Variants in STXBP5L observed in about 807,000 individuals in gnomAD.
The protein encoded by STXBP5L is syntaxin-binding protein 5-like.
STXBP5L carries 65 observed loss-of-function variants against 144.5 expected under a neutral mutation model. The ratio of observed to expected loss-of-function variants is 0.45; its 90% CI spans 0.37 to 0.55. STXBP5L has a LOEUF of 0.55. Ranked by LOEUF, STXBP5L falls within the 20% of genes least tolerant of loss-of-function variation. The pLI is 0.00. For synonymous variants in STXBP5L, 505 were observed against 469.6 expected (o/e 1.08, Z -0.97); for missense variants, 1,298 against 1,405.5 (o/e 0.92, Z 1.22).
chr3:121,036,772 A>ATTTTTTTTTTTTTTTTTT (rs3863971), intron 3 of STXBP5L, among the ~76,000 whole-genome samples: 8 of 122,224 alleles, frequency 6.5e-5, no homozygotes, highest in Non-Finnish European at 1.2e-4. Flanking sequence ...ACATTGATTG[A>ATTTTTTTTTTTTTTTTTT]TTTTTTTTTT....
At chr3:121,015,258 A>G (rs1171067920) in intron 3 of STXBP5L, among the ~76,000 whole-genome samples, 1 of 152,206 alleles carries the variant, frequency 6.6e-6, no homozygotes, top group Non-Finnish European at 1.5e-5. Flanking sequence ...TAATAATTTT[A>G]AAAATCAGTT....
At chr3:121,087,373 C>A (rs1347375680) in intron 5 of STXBP5L, among the ~76,000 whole-genome samples, 3 of 151,984 alleles carry the variant, frequency 2.0e-5, no homozygotes, top group Non-Finnish European at 4.4e-5. Context: ...TTGGTGCATT[C>A]ACATTTAGGG....
chr3:121,173,180 G>C (rs928742859), intron 9 of STXBP5L, among the ~76,000 whole-genome samples: 1 of 151,992 alleles, frequency 6.6e-6, no homozygotes, highest in Admixed American at 6.6e-5. Context: ...GGCCTGTTAG[G>C]GGATGGGGGG....
chr3:121,070,294 A>C (rs961810864), intron 5 of STXBP5L, among the ~76,000 whole-genome samples: 1 of 152,188 alleles, frequency 6.6e-6, no homozygotes, highest in African/African-American at 2.4e-5. Flanking sequence ...TTGCAACCTA[A>C]ACTTATTGGT....
At chr3:121,335,430 A>T (rs1339093402) in intron 20 of STXBP5L, among the ~76,000 whole-genome samples, 3 of 152,172 alleles carry the variant, frequency 2.0e-5, no homozygotes, top group Non-Finnish European at 4.4e-5. Flanking sequence ...GACATGTTTC[A>T]CAGAACTAGA....
chr3:121,207,010 G>T (rs1229434040), intron 10 of STXBP5L, among the ~76,000 whole-genome samples: 1 of 151,800 alleles, frequency 6.6e-6, no homozygotes, highest in Non-Finnish European at 1.5e-5. Flanking sequence ...TGGTATCATA[G>T]GTATACTGAA....
intron 23 of STXBP5L, 66 bp from the exon 24 acceptor site, chr3:121,413,091 GT>G (rs1318566781): frequency 8.3e-7 from 1 of 1,201,636 alleles, no homozygotes; most frequent in African/African-American, 1.6e-5. Context: ...AAAAATTACT[GT>G]TTTTATGTAA....
At chr3:121,227,260 A>G (rs537771639) in intron 11 of STXBP5L, among the ~76,000 whole-genome samples, 1 of 152,314 alleles carries the variant, frequency 6.6e-6, no homozygotes, top group East Asian at 1.9e-4. Flanking sequence ...CATTATCCTT[A>G]TCAATTACTT....
At chr3:121,093,150 A>G (rs1046653714) in intron 5 of STXBP5L, among the ~76,000 whole-genome samples, 2 of 152,238 alleles carry the variant, frequency 1.3e-5, no homozygotes, top group East Asian at 1.9e-4. Flanking sequence ...GAAGCTTTTT[A>G]ATGTGCTGCT....
intron 18 of STXBP5L, among the ~76,000 whole-genome samples, chr3:121,262,881 G>C (rs979602088): frequency 6.6e-6 from 1 of 152,222 alleles, no homozygotes; most frequent in African/African-American, 2.4e-5. Context: ...AGGGGTGGCT[G>C]TGGGCACAGT....
intron 12 of STXBP5L, among the ~76,000 whole-genome samples, chr3:121,234,186 C>T (rs2049395620): frequency 1.3e-5 from 2 of 152,084 alleles, no homozygotes; most frequent in Admixed American, 1.3e-4. Context: ...CTCTCCACTC[C>T]TTTACATTGT....
At chr3:121,108,174 T>G (rs2043805504) in intron 5 of STXBP5L, among the ~76,000 whole-genome samples, 1 of 152,228 alleles carries the variant, frequency 6.6e-6, no homozygotes, top group African/African-American at 2.4e-5. Flanking sequence ...ACAGTTTGAC[T>G]TCCTCTCTTC....
intron 3 of STXBP5L, among the ~76,000 whole-genome samples, chr3:120,961,755 G>A (rs1270115186): frequency 6.6e-6 from 1 of 152,048 alleles, no homozygotes; most frequent in Non-Finnish European, 1.5e-5. Flanking sequence ...TGTCTTTATA[G>A]TAGTATGATT....
At chr3:121,207,934 A>T (rs1397886723) in intron 10 of STXBP5L, among the ~76,000 whole-genome samples, 1 of 152,216 alleles carries the variant, frequency 6.6e-6, no homozygotes, top group Non-Finnish European at 1.5e-5. Context: ...GCGATTCCTC[A>T]GGGATCTAGT....
intron 3 of STXBP5L, among the ~76,000 whole-genome samples, chr3:121,000,776 G>A (rs1418462076): frequency 2.0e-5 from 3 of 152,152 alleles, no homozygotes; most frequent in African/African-American, 7.2e-5. Context: ...CTGTCCTTTG[G>A]ATGGGGCTTT....
At chr3:121,357,462 A>G (rs1271930859) in intron 20 of STXBP5L, 1 of 152,622 alleles carries the variant, frequency 6.6e-6, no homozygotes, top group East Asian at 1.9e-4. Context: ...GCATACATTA[A>G]TGTTTGAAAA....
chr3:121,365,980 T>C (rs554811158), intron 20 of STXBP5L, among the ~76,000 whole-genome samples: 1 of 152,094 alleles, frequency 6.6e-6, no homozygotes, highest in Non-Finnish European at 1.5e-5. Flanking sequence ...TTCATTTATC[T>C]CTAATTATTT....
chr3:121,182,329 A>T (rs2047190872), intron 9 of STXBP5L, among the ~76,000 whole-genome samples: 1 of 152,238 alleles, frequency 6.6e-6, no homozygotes, highest in Non-Finnish European at 1.5e-5. Context: ...ATAGTCTTAG[A>T]CTATGGTGGA....
At chr3:121,284,319 T>C (rs2051160430) in intron 19 of STXBP5L, among the ~76,000 whole-genome samples, 1 of 152,012 alleles carries the variant, frequency 6.6e-6, no homozygotes, top group Non-Finnish European at 1.5e-5. Context: ...TATTATCCAC[T>C]CTCTGGAAAT....
Sources: gnomAD v4.1 joint callset for allele counts (sites outside exome capture counted in the v4.1 genomes callset) on GRCh38, gnomAD v4.1.1 for gene constraint, MANE v1.5 for transcripts, NCBI Gene and HGNC (gene_info 2026-07-23, HGNC 2026-07-21) for gene names.